GNAQ: variants seen among roughly 807,000 people sequenced by gnomAD.
The protein encoded by GNAQ is G protein subunit alpha q, also known as guanine nucleotide-binding protein G(q) subunit alpha.
GNAQ carries 8 observed loss-of-function variants against 43.9 expected under a neutral mutation model. That is an observed-to-expected ratio of 0.18 (90% CI 0.11 to 0.33). The LOEUF is 0.33. Among genes scored for constraint, GNAQ ranks in the 10% least tolerant of loss-of-function variants. The pLI, the probability that GNAQ is intolerant of heterozygous loss-of-function variation, is 1.00. For synonymous variants in GNAQ, 155 were observed against 170.7 expected (o/e 0.91, Z 0.71); for missense variants, 158 against 450.8 (o/e 0.35, Z 5.88).
chr9:77,799,185 C>T (rs1039109505), intron 3 of GNAQ, among the ~76,000 whole-genome samples: 11 of 152,164 alleles, frequency 7.2e-5, no homozygotes, highest in African/African-American at 2.2e-4. Context: ...GACATGGCTT[C>T]AAAACACACA....
At chr9:77,763,144 A>ACAAACAAAC (rs112579428) in intron 5 of GNAQ, among the ~76,000 whole-genome samples, 13 of 127,160 alleles carry the variant, frequency 1.0e-4, no homozygotes, top group African/African-American at 4.3e-4. Context: ...AAACAAACAA[A>ACAAACAAAC]AAAAAAAAAA....
At chr9:77,807,220 C>T (rs1003897344) in intron 3 of GNAQ, among the ~76,000 whole-genome samples, 1 of 152,148 alleles carries the variant, frequency 6.6e-6, no homozygotes, top group Non-Finnish European at 1.5e-5. Context: ...AAAAAAGGTG[C>T]TGAATGACCT....
At chr9:77,941,007 A>G (rs1368803051) in intron 1 of GNAQ, among the ~76,000 whole-genome samples, 3 of 152,230 alleles carry the variant, frequency 2.0e-5, no homozygotes, top group Admixed American at 6.5e-5. Flanking sequence ...ATCTCCCAAT[A>G]AAGAAAAGGG....
At chr9:77,977,693 G>A (rs534608033) in intron 1 of GNAQ, among the ~76,000 whole-genome samples, 2 of 152,314 alleles carry the variant, frequency 1.3e-5, no homozygotes, top group South Asian at 4.1e-4. Context: ...AGGGTGCTGG[G>A]CTTCCCCAGC....
intron 5 of GNAQ, among the ~76,000 whole-genome samples, chr9:77,738,512 G>A (rs1367989676): frequency 6.6e-6 from 1 of 152,006 alleles, no homozygotes; most frequent in East Asian, 1.9e-4. Flanking sequence ...TAGTTGAATT[G>A]CCCACATAAA....
At chr9:77,929,082 T>A (rs1476068810) in intron 1 of GNAQ, among the ~76,000 whole-genome samples, 1 of 152,218 alleles carries the variant, frequency 6.6e-6, no homozygotes, top group Non-Finnish European at 1.5e-5. Context: ...AAAATTTTTT[T>A]AAACTAGCAT....
At chr9:77,909,339 T>C (rs1188599222) in intron 2 of GNAQ, among the ~76,000 whole-genome samples, 1 of 152,108 alleles carries the variant, frequency 6.6e-6, no homozygotes, top group East Asian at 1.9e-4. Flanking sequence ...GCCCAGTAGA[T>C]AGTAAAATGG....
At chr9:77,847,250 G>A (rs546714057) in intron 2 of GNAQ, among the ~76,000 whole-genome samples, 1 of 152,302 alleles carries the variant, frequency 6.6e-6, no homozygotes, top group East Asian at 1.9e-4. Flanking sequence ...ATTTGTTCAC[G>A]AAAGTCCTGC....
At chr9:77,784,558 C>A (rs1428963223) in intron 5 of GNAQ, among the ~76,000 whole-genome samples, 2 of 151,992 alleles carry the variant, frequency 1.3e-5, no homozygotes, top group African/African-American at 4.8e-5. Context: ...AATCTGCATG[C>A]TAAAATATCC....
chr9:77,778,157 C>A (rs917091838), intron 5 of GNAQ, among the ~76,000 whole-genome samples: 1 of 151,570 alleles, frequency 6.6e-6, no homozygotes, highest in African/African-American at 2.4e-5. Flanking sequence ...CAGATAACAG[C>A]TCTAATAGCA....
chr9:77,883,615 T>C (rs1828252257), intron 2 of GNAQ, among the ~76,000 whole-genome samples: 2 of 152,052 alleles, frequency 1.3e-5, no homozygotes. Context: ...ACATTGAACC[T>C]ATAGGTAATT....
At chr9:78,013,574 G>C (rs1456703038) in intron 1 of GNAQ, among the ~76,000 whole-genome samples, 1 of 151,702 alleles carries the variant, frequency 6.6e-6, no homozygotes, top group South Asian at 2.1e-4. Flanking sequence ...TTGCCTCTGA[G>C]AAGACTATTA....
chr9:77,747,766 C>T (rs1825752352), intron 5 of GNAQ, among the ~76,000 whole-genome samples: 1 of 152,206 alleles, frequency 6.6e-6, no homozygotes, highest in South Asian at 2.1e-4. Flanking sequence ...GACAAACTTT[C>T]CTACCTTTAG....
intron 5 of GNAQ, among the ~76,000 whole-genome samples, chr9:77,741,544 G>A (rs1825654709): frequency 6.6e-6 from 1 of 151,394 alleles, no homozygotes; most frequent in South Asian, 2.1e-4. Flanking sequence ...TTCTTCCCAC[G>A]GCACAGAGGA....
chr9:77,865,833 A>C (rs1055390835), intron 2 of GNAQ, among the ~76,000 whole-genome samples: 3 of 152,244 alleles, frequency 2.0e-5, no homozygotes, highest in African/African-American at 7.2e-5. Context: ...ATGGTAATAC[A>C]GAGTTGGGTG....
At chr9:77,794,383 T>C in intron 5 of GNAQ, 80 bp downstream of exon 5, 1 of 969,260 alleles carries the variant, frequency 1.0e-6, no homozygotes, top group African/African-American at 1.6e-5. Flanking sequence ...GTTCACTCCA[T>C]TCCCCACACC....
At chr9:77,745,723 AAAAT>A (rs1326768492) in intron 5 of GNAQ, among the ~76,000 whole-genome samples, 5 of 151,658 alleles carry the variant, frequency 3.3e-5, no homozygotes, top group African/African-American at 9.7e-5. Context: ...GAAAAATAAA[AAAAT>A]TTTAAAAAAT....
chr9:77,965,563 G>A (rs1024984646), intron 1 of GNAQ, among the ~76,000 whole-genome samples: 5 of 152,034 alleles, frequency 3.3e-5, no homozygotes, highest in Admixed American at 2.0e-4. Context: ...ACACTTTATC[G>A]AAAAAGTTAT....
At chr9:77,892,754 G>C (rs1023147862) in intron 2 of GNAQ, among the ~76,000 whole-genome samples, 1 of 152,126 alleles carries the variant, frequency 6.6e-6, no homozygotes, top group African/African-American at 2.4e-5. Context: ...ATAGGGCACA[G>C]ATAAGAATCT....
Sources: gnomAD v4.1 joint callset for allele counts (sites outside exome capture counted in the v4.1 genomes callset) on GRCh38, gnomAD v4.1.1 for gene constraint, MANE v1.5 for transcripts, NCBI Gene and HGNC (gene_info 2026-07-23, HGNC 2026-07-21) for gene names.